The following PET117 variants were observed in gnomAD, a reference collection of about 807,000 sequenced individuals.
PET117 encodes the protein PET117 cytochrome c oxidase chaperone.
Under a neutral mutation model 9.2 loss-of-function variants are expected in PET117, and 10 were observed. The observed-to-expected ratio is 1.09, with a 90% CI of 0.67 to 1.85. The LOEUF is 1.85. Among genes scored for constraint, PET117 ranks in the 40% most tolerant of loss-of-function variants. The pLI, the probability that PET117 is intolerant of heterozygous loss-of-function variation, is 0.00. For missense variants in PET117, 96 were observed against 98.2 expected, an observed-to-expected ratio of 0.98 and a Z score of 0.09; for synonymous variants, 43 against 37.1, an observed-to-expected ratio of 1.16 and a Z score of -0.57.
chr20:18,142,819 C>G lies in PET117; in HGVS notation c.*462C>G, dbSNP rs572036161. The G allele has an allele frequency of 1.2e-6, 2 of 1,614,140 alleles. No homozygotes were observed. The highest frequency in any genetic ancestry group is 4.5e-5 in the East Asian group (2 of 44,886). On this transcript the variant is annotated 3_prime_UTR_variant, in exon 2 of 2. Coordinates refer to ENST00000432901, the MANE Select transcript of PET117 (RefSeq NM_001164811.2). The stretch of plus-strand genomic sequence containing the variant: ...AGGCATCAGTGGACTTATCGCACGA[C>G]CAGAGTGGGGATTCCCTCAACAGTG...
intron 1 of PET117, among the ~76,000 whole-genome samples, chr20:18,141,137 AGATTACAGGAGTGCTGG>A (rs958682309): frequency 7.4e-5 from 11 of 149,092 alleles, no homozygotes; most frequent in Admixed American, 2.7e-4. Flanking sequence ...CCTTGGCCTA[AGATTACAGGAGTGCTGG>A]GATTACAGGA....
intron 1 of PET117, 107 bp downstream of exon 1, chr20:18,138,158 C>T: frequency 7.5e-6 from 10 of 1,337,736 alleles, no homozygotes; most frequent in South Asian, 1.8e-5. Context: ...CGTGTCTTTC[C>T]CCCGCGGTGG....
chr20:18,139,023 T>C (rs2146315811), intron 1 of PET117, among the ~76,000 whole-genome samples: 1 of 152,296 alleles, frequency 6.6e-6, no homozygotes, highest in African/African-American at 2.4e-5. Flanking sequence ...GTAAACAGTC[T>C]TTTCTTGATT....
At chr20:18,138,866 G>A (rs1037724413) in intron 1 of PET117, among the ~76,000 whole-genome samples, 1 of 152,172 alleles carries the variant, frequency 6.6e-6, no homozygotes, top group Non-Finnish European at 1.5e-5. Context: ...ACAAAGATAA[G>A]GAAACTCCAC....
At chr20:18,141,152 TGG>T (rs1317766908) in intron 1 of PET117, among the ~76,000 whole-genome samples, 1 of 150,954 alleles carries the variant, frequency 6.6e-6, no homozygotes, top group Non-Finnish European at 1.5e-5. Flanking sequence ...ACAGGAGTGC[TGG>T]GATTACAGGA....
intron 1 of PET117, among the ~76,000 whole-genome samples, chr20:18,141,074 T>C (rs1325435728): frequency 7.3e-6 from 1 of 136,060 alleles, no homozygotes; most frequent in Non-Finnish European, 1.5e-5. Context: ...AGATGGGATT[T>C]TGCCATGTTG....
chr20:18,141,582 A>C (rs558282106), intron 1 of PET117, among the ~76,000 whole-genome samples: 10 of 152,254 alleles, frequency 6.6e-5, no homozygotes, highest in African/African-American at 2.4e-4. Context: ...CATATCAATT[A>C]AACTTTAAAA....
rs749684630 is a variant in PET117 at position 18,142,526 on chromosome 20, C to T, written c.*169C>T. ...TTACTGCTTTCAGGGTCCCTTATAT[C>T]TGAATAAAGGAGTGTGGGCAGACAC... On this transcript the variant is annotated 3_prime_UTR_variant, in exon 2 of 2. Coordinates refer to ENST00000432901, the MANE Select transcript of PET117 (RefSeq NM_001164811.2). 4.3e-5 allele frequency: 63 copies of T among 1,477,702 alleles called. No homozygotes were observed. Among genetic ancestry groups the T allele is most frequent in the Non-Finnish European group, 5.6e-5 (62 of 1,114,970 alleles). 91.5% of individuals were successfully genotyped at this position (1,477,702 alleles called of 1,614,324 possible).
intron 1 of PET117, chr20:18,138,499 C>G: frequency 3.1e-6 from 3 of 977,770 alleles, no homozygotes; most frequent in Non-Finnish European, 3.6e-6. Context: ...TCCCTCCTGG[C>G]CCAAGGTTGG....
intron 1 of PET117, among the ~76,000 whole-genome samples, chr20:18,138,675 A>G (rs1035812477): frequency 6.6e-6 from 1 of 152,194 alleles, no homozygotes. Context: ...TCTGGGAACG[A>G]TAGAGATAAC....
rs2037618456 is a variant in PET117, at chr20:18,142,312, A to G, written c.201A>G (p.Ala67=). The G allele has an allele frequency of 1.3e-6, 2 of 1,537,056 alleles. No individual in the cohort carries two copies. Among genetic ancestry groups the G allele is most frequent in the Non-Finnish European group, 1.7e-6 (2 of 1,146,818 alleles). Residue 67 remains alanine, a synonymous_variant, in exon 2 of 2, where the codon GCA becomes GCG. Coordinates refer to ENST00000432901, the MANE Select transcript of PET117 (RefSeq NM_001164811.2). ...TTATTTTGACTGAGCAACTTGAAGC[A>G]GAAAGAGAGAAGATGTTATTGGCAA... is the stretch of plus-strand genomic sequence containing the variant. ...EQIILTEQLE[A]EREKMLLAKG...
At chr20:18,141,047 A>ATTTT (rs59461611) in intron 1 of PET117, among the ~76,000 whole-genome samples, 2 of 92,854 alleles carry the variant, frequency 2.2e-5, no homozygotes, top group African/African-American at 8.9e-5. Flanking sequence ...TTTTTTTTTT[A>ATTTT]TTTTTATTTT....
rs2037644277 is a variant in PET117, at chr20:18,142,944, A to C, written c.*587A>C. On this transcript the variant is annotated 3_prime_UTR_variant, in exon 2 of 2. Coordinates refer to ENST00000432901, the MANE Select transcript of PET117 (RefSeq NM_001164811.2). ...AGTAAGGAGCTTCTCAATTCCTTTG[A>C]TTTGTCAATTCCTGTGTGAAGGTTT... The C allele has an allele frequency of 6.2e-7, 1 of 1,607,968 alleles. No homozygotes were observed. Among genetic ancestry groups the C allele is most frequent in the Non-Finnish European group, 8.5e-7 (1 of 1,174,896 alleles).
At chr20:18,141,627 G>C (rs1305622743) in intron 1 of PET117, among the ~76,000 whole-genome samples, 1 of 152,228 alleles carries the variant, frequency 6.6e-6, no homozygotes, top group Non-Finnish European at 1.5e-5. Flanking sequence ...GCTCACGCCT[G>C]TAATCCGGCA....
chr20:18,138,570 T>A (rs1312287471), intron 1 of PET117: 1 of 544,670 alleles, frequency 1.8e-6, no homozygotes, highest in Non-Finnish European at 2.3e-6. Context: ...GGAGCCCCCC[T>A]TCCCCGTACT....
Position 18,142,757 on chromosome 20 carries a change from G to A in PET117, c.*400G>A. On this transcript the variant is annotated 3_prime_UTR_variant, in exon 2 of 2. Transcript: ENST00000432901. ...AGAAGGACTGGAGGAAGGTGAAGTG[G>A]AGGGAGAGACGCTCCTGATCGTCGA... is the stretch of plus-strand genomic sequence containing the variant. The A allele has an allele frequency of 1.2e-6, 2 of 1,614,208 alleles. No homozygotes were observed. Among genetic ancestry groups the A allele is most frequent in the South Asian group, 2.2e-5 (2 of 91,086 alleles).
At chr20:18,140,864 A>G (rs919701122) in intron 1 of PET117, among the ~76,000 whole-genome samples, 15 of 146,400 alleles carry the variant, frequency 1.0e-4, no homozygotes, top group Non-Finnish European at 1.8e-4. Context: ...AAAAAACCCT[A>G]TTTATTTATT....
Position 18,142,225 on chromosome 20 carries a change from T to A in PET117, c.114T>A (p.Val38=). The A allele has an allele frequency of 6.5e-7, 1 of 1,537,184 alleles. No homozygotes were observed. The highest frequency in any genetic ancestry group is 8.7e-7 in the Non-Finnish European group (1 of 1,146,884). ...GTTTTTAGAGGCTTCGTGACGGAGT[T>A]ATCAGAGACATTGAGAGGCAAATTC... ...QWDQQRLRDG[V]IRDIERQIRK... The change falls in exon 2 of 2, where the codon GTT becomes GTA. Residue 38 remains valine (V), a synonymous_variant. Coordinates refer to ENST00000432901, the MANE Select transcript of PET117 (RefSeq NM_001164811.2).
At chr20:18,140,612 C>A (rs558185513) in intron 1 of PET117, among the ~76,000 whole-genome samples, 5 of 151,768 alleles carry the variant, frequency 3.3e-5, no homozygotes, top group Admixed American at 3.3e-4. Flanking sequence ...GAGTTCGAGA[C>A]CAGCCTGGCC....
Sources: allele counts gnomAD v4.1 joint callset (sites outside exome capture counted in the v4.1 genomes callset), GRCh38; gene constraint gnomAD v4.1.1; transcripts MANE v1.5; gene names NCBI Gene and HGNC (gene_info 2026-07-23, HGNC 2026-07-21).